MED13L: variants seen among roughly 807,000 people sequenced by gnomAD.
MED13L encodes mediator of RNA polymerase II transcription subunit 13-like.
MED13L carries 7 observed loss-of-function variants against 220.9 expected under a neutral mutation model. The observed-to-expected ratio is 0.03, with a 90% CI of 0.02 to 0.06. The LOEUF (loss-of-function observed/expected upper bound fraction) is 0.06. Ranked by LOEUF, MED13L falls within the 10% of genes least tolerant of loss-of-function variation. The pLI is 1.00. For missense variants in MED13L, 1,965 were observed against 2,760.5 expected, an observed-to-expected ratio of 0.71 and a Z score of 6.46; for synonymous variants, 1,011 against 1,015.2, an observed-to-expected ratio of 1.00 and a Z score of 0.08.
At chr12:116,215,534 CA>C (rs1882940392) in intron 2 of MED13L, among the ~76,000 whole-genome samples, 1 of 152,160 alleles carries the variant, frequency 6.6e-6, no homozygotes, top group Non-Finnish European at 1.5e-5. Context: ...TGCTAAAATA[CA>C]AAAACCTAAA....
At chr12:116,118,722 TG>T (rs1874739354) in intron 2 of MED13L, among the ~76,000 whole-genome samples, 1 of 152,140 alleles carries the variant, frequency 6.6e-6, no homozygotes, top group Non-Finnish European at 1.5e-5. Flanking sequence ...AAGACATGCT[TG>T]GAATCTAATA....
At chr12:115,978,880 C>T (rs947364320) in intron 23 of MED13L, among the ~76,000 whole-genome samples, 1 of 152,150 alleles carries the variant, frequency 6.6e-6, no homozygotes, top group Admixed American at 6.5e-5. Flanking sequence ...TATTTGAAAA[C>T]TTGCATAATA....
chr12:116,031,475 C>A (rs918530862), intron 4 of MED13L, among the ~76,000 whole-genome samples: 1 of 150,932 alleles, frequency 6.6e-6, no homozygotes, highest in Non-Finnish European at 1.5e-5. Context: ...GCCTGTGGTC[C>A]CAGCTACTCA....
intron 4 of MED13L, among the ~76,000 whole-genome samples, chr12:116,047,145 T>C (rs550816825): frequency 3.0e-4 from 46 of 152,206 alleles, no homozygotes; most frequent in Middle Eastern, 3.4e-3. Context: ...AGGCCAGGCA[T>C]TTGAGACCAG....
intron 1 of MED13L, among the ~76,000 whole-genome samples, chr12:116,270,166 A>T (rs61937387): frequency 0.15 from 22,715 of 150,942 alleles, 1,925 homozygotes; most frequent in Middle Eastern, 0.22. Flanking sequence ...TTTTTGAGAC[A>T]GACTCTCGCT....
intron 13 of MED13L, among the ~76,000 whole-genome samples, chr12:116,004,699 C>T (rs1339590438): frequency 6.6e-6 from 1 of 151,994 alleles, no homozygotes; most frequent in Non-Finnish European, 1.5e-5. Flanking sequence ...ATGTCCCTCC[C>T]CCTTCCTCTC....
rs1004421844 is a variant in MED13L at position 116,253,767 on chromosome 12, T to G, written c.73-16062A>C. 2.9e-4 allele frequency among the ~76,000 whole-genome samples: 41 copies of G among 140,378 alleles called. No homozygotes were observed. In the East Asian group the frequency reaches 3.0e-3, roughly 10 times the overall value. The allele number at this position is 140,378 out of a possible 152,430, so 92.1% of individuals were successfully genotyped here. A position where few individuals can be genotyped will look rare whatever the true frequency, so the allele number is the denominator to read the frequency against. On this transcript the variant is annotated intron_variant, in intron 1 of 30. Transcript: ENST00000281928. The stretch of plus-strand genomic sequence containing the variant: ...CGGTTTTTTTTGTTTTTTTTTTTTT[T>G]TTTTTTTTTTTTGAGACAGTCTCAC...
At chr12:116,181,725 G>A (rs1880546556) in intron 2 of MED13L, among the ~76,000 whole-genome samples, 1 of 151,840 alleles carries the variant, frequency 6.6e-6, no homozygotes, top group Non-Finnish European at 1.5e-5. Flanking sequence ...GGCTGGTTTC[G>A]AACTCCTGAC....
At chr12:115,978,317 ATTTT>A (rs961542010) in intron 23 of MED13L, among the ~76,000 whole-genome samples, 1 of 146,496 alleles carries the variant, frequency 6.8e-6, no homozygotes. Flanking sequence ...GAACTGTACA[ATTTT>A]TTTTCTTTTT....
intron 1 of MED13L, among the ~76,000 whole-genome samples, chr12:116,259,370 A>G (rs1046538108): frequency 4.6e-5 from 7 of 152,240 alleles, no homozygotes; most frequent in African/African-American, 1.7e-4. Flanking sequence ...CTACAACTGT[A>G]GAATTGTGGG....
chr12:116,265,479 TCTC>T (rs1348269618), intron 1 of MED13L, among the ~76,000 whole-genome samples: 1 of 152,216 alleles, frequency 6.6e-6, no homozygotes, highest in Non-Finnish European at 1.5e-5. Context: ...TCAATTCACT[TCTC>T]ATAATAGTTT....
intron 1 of MED13L, among the ~76,000 whole-genome samples, chr12:116,269,758 C>T (rs1393289620): frequency 6.6e-6 from 1 of 152,088 alleles, no homozygotes; most frequent in African/African-American, 2.4e-5. Context: ...CAAGGCTCTG[C>T]GCTATTTCAA....
rs181738662 is a variant in MED13L, at chr12:116,134,137, T to C, written c.311-22625A>G. Among the ~76,000 whole-genome samples, 17 of 152,264 alleles carry C rather than the reference T, an allele frequency of 1.1e-4. No individual in the cohort carries two copies. In the East Asian group the frequency reaches 3.1e-3, roughly 28 times the overall value. ...TACTGAGTTTTGATATTAGATGATA[T>C]ACATCCAGTGCAACCACTGTCCCAG... On this transcript the variant is annotated intron_variant, in intron 2 of 30. Coordinates refer to ENST00000281928, the MANE Select transcript of MED13L (RefSeq NM_015335.5).
chr12:115,965,197 G>T (rs1876061982), intron 29 of MED13L, among the ~76,000 whole-genome samples: 1 of 152,102 alleles, frequency 6.6e-6, no homozygotes, highest in Admixed American at 6.5e-5. Context: ...TTACTCCATG[G>T]TAATCTCTAC....
intron 2 of MED13L, among the ~76,000 whole-genome samples, chr12:116,207,430 ACTGT>A (rs1882409980): frequency 6.6e-6 from 1 of 152,182 alleles, no homozygotes; most frequent in African/African-American, 2.4e-5. Context: ...AGTAGGCTAT[ACTGT>A]CTGTGTTTGT....
intron 2 of MED13L, among the ~76,000 whole-genome samples, chr12:116,164,737 A>T (rs559417113): frequency 6.6e-6 from 1 of 152,360 alleles, no homozygotes; most frequent in South Asian, 2.1e-4. Flanking sequence ...CTGTCTTTTC[A>T]GAGTATTGCT....
Position 116,160,763 on chromosome 12 carries a change from T to A in MED13L, c.311-49251A>T, listed in dbSNP as rs564163394. Among the ~76,000 whole-genome samples, 236 of 150,968 alleles carry A rather than the reference T, an allele frequency of 1.6e-3. 1 individual carries two copies. The highest frequency in any genetic ancestry group is 2.5e-3 in the Non-Finnish European group (171 of 67,638). ...TTTCTTTCTTTTATTTTTTATTTTT[T>A]TTTTTTTTGTAGAGACAGGGTCTCA... is the stretch of plus-strand genomic sequence containing the variant. On this transcript the variant is annotated intron_variant, in intron 2 of 30. Coordinates refer to ENST00000281928, the MANE Select transcript of MED13L (RefSeq NM_015335.5).
At chr12:116,110,741 G>A (rs1367618556) in intron 3 of MED13L, among the ~76,000 whole-genome samples, 1 of 152,140 alleles carries the variant, frequency 6.6e-6, no homozygotes, top group East Asian at 1.9e-4. Flanking sequence ...ATGGGACACT[G>A]ACGATATGAG....
At chr12:116,170,597 C>CTTTT (rs925140792) in intron 2 of MED13L, among the ~76,000 whole-genome samples, 1 of 136,982 alleles carries the variant, frequency 7.3e-6, no homozygotes, top group African/African-American at 2.7e-5. Context: ...ATCATTTTTA[C>CTTTT]TTTTTTTTTT....
Sources: gnomAD v4.1 joint callset for allele counts (sites outside exome capture counted in the v4.1 genomes callset) on GRCh38, gnomAD v4.1.1 for gene constraint, MANE v1.5 for transcripts, NCBI Gene and HGNC (gene_info 2026-07-23, HGNC 2026-07-21) for gene names.